The following SEC23B variants were observed in gnomAD, a reference collection of about 807,000 sequenced individuals.
The protein encoded by SEC23B is protein transport protein Sec23B.
A neutral mutation model predicts 104.3 loss-of-function variants in SEC23B; 77 were observed. The ratio of observed to expected loss-of-function variants is 0.74; its 90% CI spans 0.61 to 0.89. SEC23B has a LOEUF of 0.89. SEC23B is among the 40% of genes least tolerant of loss of function. The probability of loss-of-function intolerance (pLI) is 0.00; values close to 1 mark genes in which losing one functional copy is unlikely to be tolerated. For synonymous variants in SEC23B, 338 were observed against 332.5 expected (o/e 1.02, Z -0.18); for missense variants, 885 against 949.4 (o/e 0.93, Z 0.89).
Position 18,521,727 on chromosome 20 carries a change from G to A in SEC23B, c.367-2706G>A, listed in dbSNP as rs181527403. 1.3e-3 allele frequency among the ~76,000 whole-genome samples: 195 copies of A among 152,162 alleles called. 1 individual carries two copies. Among genetic ancestry groups the A allele is most frequent in the African/African-American group, 4.5e-3 (186 of 41,510 alleles). ...AGAAGGGGAGAGGTCAGATGAGTCC[G>A]TAGAAAAGGATTAAAAGGACTTAAG... On this transcript the variant is annotated intron_variant, in intron 4 of 19. Transcript: ENST00000650089.
chr20:18,553,785 A>G (rs2060409901), intron 17 of SEC23B, among the ~76,000 whole-genome samples: 1 of 152,188 alleles, frequency 6.6e-6, no homozygotes, highest in Non-Finnish European at 1.5e-5. Flanking sequence ...AGTCTGTATG[A>G]CTACTGCTCA....
At chr20:18,523,156 G>A (rs1297538412) in intron 4 of SEC23B, among the ~76,000 whole-genome samples, 1 of 151,956 alleles carries the variant, frequency 6.6e-6, no homozygotes, top group Non-Finnish European at 1.5e-5. Context: ...GTAAAAGACA[G>A]TTTTCAAAGC....
chr20:18,511,199 T>TG lies in SEC23B; in HGVS notation c.221+145dup, dbSNP rs1157007480. 6 of 702,218 alleles carry TG rather than the reference T, an allele frequency of 8.5e-6. No individual in the cohort carries two copies. The Admixed American group carries it at 1.2e-4, about 14-fold the overall frequency. 43.5% of individuals were successfully genotyped at this position (702,218 alleles called of 1,614,324 possible). On this transcript the variant is annotated intron_variant, in intron 2 of 19. Transcript: ENST00000650089. ...TGATGAGACTCCTAAACGATTCTTG[T>TG]GGTGAGTAGTAAGTGGTGAATATTT...
chr20:18,532,541 TG>T, intron 10 of SEC23B, 122 bp from the exon 11 acceptor site: 1 of 789,150 alleles, frequency 1.3e-6, no homozygotes, highest in Non-Finnish European at 2.3e-6. Flanking sequence ...ATGATCCCTG[TG>T]GAGTTTTCTC....
Position 18,545,953 on chromosome 20 carries a change from T to C in SEC23B, c.1666-3T>C, listed in dbSNP as rs190533005. The C allele has an allele frequency of 9.7e-6, 15 of 1,543,582 alleles. No individual in the cohort carries two copies. In the African/African-American group the frequency reaches 1.9e-4, roughly 20 times the overall value. ...TTTGTTTTTTGGTATTTTCTTTCCATAGTGTCAAAAGTTTGGACAGTATAA... is the reference window on the plus strand; with the variant it reads ...TTTGTTTTTTGGTATTTTCTTTCCACAGTGTCAAAAGTTTGGACAGTATAA... On this transcript the variant is annotated splice_region_variant and splice_polypyrimidine_tract_variant and intron_variant, in intron 14 of 19. Coordinates refer to ENST00000650089, the MANE Select transcript of SEC23B (RefSeq NM_006363.6).
chr20:18,522,806 C>T (rs2060096031), intron 4 of SEC23B, among the ~76,000 whole-genome samples: 1 of 152,036 alleles, frequency 6.6e-6, no homozygotes, highest in Non-Finnish European at 1.5e-5. Context: ...ACACGTAATC[C>T]CAGCACTTTG....
rs1440482369 is a variant in SEC23B at position 18,560,777 on chromosome 20, T to C, written c.*37T>C. On this transcript the variant is annotated 3_prime_UTR_variant, in exon 20 of 20. Coordinates refer to ENST00000650089, the MANE Select transcript of SEC23B (RefSeq NM_006363.6). ...AACCAGGAAATGCAACGGTGTCAGA[T>C]TGTGTTCAAAATGTCTAGAAAGGCT... 4.0e-6 allele frequency: 6 copies of C among 1,487,168 alleles called. No individual in the cohort carries two copies. Among genetic ancestry groups the C allele is most frequent in the South Asian group, 2.3e-5 (2 of 88,566 alleles). The allele number at this position is 1,487,168 out of a possible 1,614,324, so 92.1% of individuals were successfully genotyped here.
In SEC23B at chr20:18,549,900, G is replaced by A. The variant is rs188370283; in HGVS notation, c.1905+1130G>A. Among the ~76,000 whole-genome samples the A allele has an allele frequency of 4.2e-3, 641 of 151,954 alleles. 1 individual carries two copies. Among genetic ancestry groups the A allele is most frequent in the Middle Eastern group, 0.014 (4 of 294 alleles). The stretch of plus-strand genomic sequence containing the variant: ...GAGGCTGGAGAATCACTTGAACCCC[G>A]GAGGCGGAGGCTGCAGTGAGTTGAG... On this transcript the variant is annotated intron_variant, in intron 16 of 19. Transcript: ENST00000650089.
At chr20:18,551,909 G>A (rs1488229288) in intron 17 of SEC23B, among the ~76,000 whole-genome samples, 1 of 152,170 alleles carries the variant, frequency 6.6e-6, no homozygotes, top group South Asian at 2.1e-4. Flanking sequence ...TAGAGCTAAG[G>A]TTGTACTTTG....
chr20:18,524,527 C>G lies in SEC23B; in HGVS notation c.461C>G (p.Ser154Cys), dbSNP rs756061907. ...GCACTCAAAGAGTCCCTGCAGATGT[C>G]CCTGAGTCTTCTTCCTCCAGATGCT... is the stretch of plus-strand genomic sequence containing the variant. ...LQALKESLQM[S>C]LSLLPPDALV... The change falls in exon 5 of 20, where the codon TCC becomes TGC. Residue 154 changes from serine to cysteine, a missense_variant. Transcript: ENST00000650089. 1.2e-6 allele frequency: 2 copies of G among 1,614,116 alleles called. No individual in the cohort carries two copies. Among genetic ancestry groups the G allele is most frequent in the Admixed American group, 3.3e-5 (2 of 60,022 alleles).
At chr20:18,553,163 A>G (rs550415269) in intron 17 of SEC23B, among the ~76,000 whole-genome samples, 22 of 152,258 alleles carry the variant, frequency 1.4e-4, no homozygotes, top group Non-Finnish European at 2.9e-4. Context: ...CTAAGGATAA[A>G]GACAGTGACA....
intron 10 of SEC23B, 48 bp from the exon 11 acceptor site, chr20:18,532,616 G>C (rs1268382003): frequency 6.2e-6 from 8 of 1,287,998 alleles, no homozygotes; most frequent in East Asian, 2.3e-5. Context: ...TGACAGCAGG[G>C]TGGATTGAAG....
chr20:18,545,831 T>C (rs371357286), intron 14 of SEC23B, 125 bp from the exon 15 acceptor site: 5 of 731,212 alleles, frequency 6.8e-6, no homozygotes, highest in African/African-American at 1.7e-5. Context: ...CTAGGACTTA[T>C]AGTAAGTGGC....
intron 4 of SEC23B, among the ~76,000 whole-genome samples, chr20:18,518,112 G>A (rs1186624828): frequency 1.3e-5 from 2 of 152,184 alleles, no homozygotes; most frequent in Non-Finnish European, 2.9e-5. Context: ...AATACCAAGA[G>A]CCTGAAAAAC....
intron 3 of SEC23B, among the ~76,000 whole-genome samples, chr20:18,513,082 G>A (rs1386989275): frequency 1.3e-5 from 2 of 152,210 alleles, no homozygotes; most frequent in East Asian, 1.9e-4. Context: ...TACTCAGGAG[G>A]CTGAGGCAGG....
chr20:18,516,375 C>T (rs1000615702), intron 4 of SEC23B, among the ~76,000 whole-genome samples: 2 of 151,424 alleles, frequency 1.3e-5, no homozygotes, highest in African/African-American at 4.9e-5. Flanking sequence ...AACTGTTTAC[C>T]CATATGTTGG....
At chr20:18,526,555 G>A (rs548546038) in intron 8 of SEC23B, 24 bp downstream of exon 8, 54 of 1,612,970 alleles carry the variant, frequency 3.3e-5, no homozygotes, top group Non-Finnish European at 4.5e-5. Flanking sequence ...GGTATGGGCT[G>A]TAATTCTGAA....
At chr20:18,529,806 A>G (rs1475931040) in intron 9 of SEC23B, among the ~76,000 whole-genome samples, 1 of 152,250 alleles carries the variant, frequency 6.6e-6, no homozygotes, top group Non-Finnish European at 1.5e-5. Flanking sequence ...TTTGGTGCCA[A>G]AGAGCTGACA....
Position 18,530,566 on chromosome 20 carries a change from C to A in SEC23B, c.1110-114C>A. 4.0e-6 allele frequency: 5 copies of A among 1,245,788 alleles called. No homozygotes were observed. In the South Asian group the frequency reaches 5.5e-5, roughly 14 times the overall value. 77.2% of individuals were successfully genotyped at this position (1,245,788 alleles called of 1,614,324 possible). ...TTTATATTTAAATTAATCAGTGGCT[C>A]TTTTGGGGACCTGGTTTCTTTTTTT... On this transcript the variant is annotated intron_variant, in intron 9 of 19. Coordinates refer to ENST00000650089, the MANE Select transcript of SEC23B (RefSeq NM_006363.6).
Sources: gnomAD v4.1 joint callset for allele counts (sites outside exome capture counted in the v4.1 genomes callset) on GRCh38, gnomAD v4.1.1 for gene constraint, MANE v1.5 for transcripts, NCBI Gene and HGNC (gene_info 2026-07-23, HGNC 2026-07-21) for gene names.